Variants in ZNF525 observed in about 807,000 individuals in gnomAD.
ZNF525 encodes zinc finger protein 525.
ZNF525 carries 33 observed loss-of-function variants against 37.6 expected under a neutral mutation model. The ratio of observed to expected loss-of-function variants is 0.88; its 90% confidence interval spans 0.67 to 1.17. ZNF525 has a LOEUF of 1.17. ZNF525 is among the 50% of genes most tolerant of loss of function. The pLI is 0.00. For synonymous variants in ZNF525, 170 were observed against 182.3 expected (o/e 0.93, Z 0.54); for missense variants, 449 against 543.1 (o/e 0.83, Z 1.72).
chr19:53,374,092 A>G (rs778634685), intron 2 of ZNF525, among the ~76,000 whole-genome samples: 1 of 152,138 alleles, frequency 6.6e-6, no homozygotes, highest in Non-Finnish European at 1.5e-5. Flanking sequence ...CATGTTAGCC[A>G]GGCTGATCTT....
chr19:53,385,127 T>A lies in ZNF525; in HGVS notation c.*3108T>A. ...TTGCATCCCAGAAATAACTGGCACT[T>A]GAATATCTACATTTTTTTAATATCC... is the stretch of plus-strand genomic sequence containing the variant. On this transcript the variant is annotated 3_prime_UTR_variant, in exon 4 of 4. Coordinates refer to ENST00000474037, the MANE Select transcript of ZNF525 (RefSeq NM_001348156.2). The A allele has an allele frequency of 2.0e-6, 1 of 495,550 alleles. No individual in the cohort carries two copies. Among genetic ancestry groups the A allele is most frequent in the Non-Finnish European group, 3.6e-6 (1 of 279,872 alleles). 30.7% of individuals were successfully genotyped at this position (495,550 alleles called of 1,614,324 possible).
Position 53,381,007 on chromosome 19 carries a change from G to A in ZNF525, c.428G>A (p.Ser143Asn). 6.3e-7 allele frequency: 1 copy of A among 1,587,504 alleles called. No homozygotes were observed. Among genetic ancestry groups the A allele is most frequent in the South Asian group, 1.1e-5 (1 of 90,514 alleles). The change falls in exon 4 of 4, where the codon AGC becomes AAC. Residue 143 changes from serine (S) to asparagine (N), a missense_variant. By Grantham distance (46) the Ser-to-Asn change is conservative (BLOSUM62 1). This residue lies in a region of ZNF525 where 271 missense variants were observed against 381.6 expected (regional missense o/e 0.71). Transcript: ENST00000474037. ...CCTATTAAATATCAGCTTGGATCAA[G>A]CTTTCATTCACATCTGTCTGAACTC... ...NKPIKYQLGS[S>N]FHSHLSELHI...
chr19:53,380,241 C>G (rs1167490654), intron 3 of ZNF525, among the ~76,000 whole-genome samples: 4 of 151,852 alleles, frequency 2.6e-5, no homozygotes, highest in Non-Finnish European at 5.9e-5. Flanking sequence ...CAGACGTGCA[C>G]CACCATGCCT....
At position 53,384,854 on chromosome 19, in the gene ZNF525, C is replaced by T; in HGVS notation, c.*2835C>T. ...AGAAGGGGTGAGAGCATTCTTGCAT[C>T]ATGTGAGATCGTACAGGAAAGCATT... On this transcript the variant is annotated 3_prime_UTR_variant, in exon 4 of 4. Transcript: ENST00000474037. The T allele has an allele frequency of 1.5e-6, 1 of 662,454 alleles. No homozygotes were observed. Among genetic ancestry groups the T allele is most frequent in the Admixed American group, 2.3e-5 (1 of 44,280 alleles). 41.0% of individuals were successfully genotyped at this position (662,454 alleles called of 1,614,324 possible). A position where few individuals can be genotyped will look rare whatever the true frequency, so the allele number is the denominator to read the frequency against.
At position 53,381,211 on chromosome 19, in the gene ZNF525, G is replaced by C. The variant is rs2085559032; in HGVS notation, c.632G>C (p.Arg211Thr). 1 of 1,344,790 alleles carries C rather than the reference G, an allele frequency of 7.4e-7. No individual in the cohort carries two copies. The highest frequency in any genetic ancestry group is 1.1e-6 in the Non-Finnish European group (1 of 934,516). The allele number at this position is 1,344,790 out of a possible 1,614,324, so 83.3% of individuals were successfully genotyped here. Reference protein sequence around the residue: ...LLTQRQEVRMREKSFQCIESG... With the variant: ...LLTQRQEVRMTEKSFQCIESG... ...ACACAAAGACAGGAAGTACGCATGAGAGAAAAATCTTTCCAATGTATTGAG... is the reference window on the plus strand; with the variant it reads ...ACACAAAGACAGGAAGTACGCATGACAGAAAAATCTTTCCAATGTATTGAG... Residue 211 changes from arginine to threonine, a missense_variant, in exon 4 of 4, where the codon AGA becomes ACA. Coordinates refer to ENST00000474037, the MANE Select transcript of ZNF525 (RefSeq NM_001348156.2).
At chr19:53,376,576 TTTTG>T (rs1210921554) in intron 3 of ZNF525, 58 of 509,622 alleles carry the variant, frequency 1.1e-4, no homozygotes, top group Non-Finnish European at 1.4e-4. Flanking sequence ...TCTTCTTTAC[TTTTG>T]TTTGTTTGTT....
At chr19:53,376,233 C>G (rs895920461) in intron 3 of ZNF525, 7 of 707,300 alleles carry the variant, frequency 9.9e-6, no homozygotes, top group Non-Finnish European at 1.5e-5. Context: ...CGCCAACCCC[C>G]GTACCTAACT....
chr19:53,383,425 A>T lies in ZNF525; in HGVS notation c.*1406A>T. On this transcript the variant is annotated 3_prime_UTR_variant, in exon 4 of 4. Transcript: ENST00000474037. ...AAATGTGAAGAATGTGACAAAGTTT[A>T]CAGTCGCAAATCAAACCTCGAAAGA... The T allele has an allele frequency of 9.5e-7, 1 of 1,057,418 alleles. No homozygotes were observed. The highest frequency in any genetic ancestry group is 1.8e-5 in the Admixed American group (1 of 54,068). The allele number at this position is 1,057,418 out of a possible 1,614,324, so 65.5% of individuals were successfully genotyped here.
chr19:53,383,884 A>G lies in ZNF525; in HGVS notation c.*1865A>G, dbSNP rs1378482471. The G allele has an allele frequency of 9.8e-6, 6 of 610,008 alleles. No individual in the cohort carries two copies. Among genetic ancestry groups the G allele is most frequent in the East Asian group, 4.1e-5 (1 of 24,618 alleles). The allele number at this position is 610,008 out of a possible 1,614,324, so 37.8% of individuals were successfully genotyped here. ...TTTTGCAAAACAGGAGAATTCATACAGGAGAGAAACCTCACAAGTGTGATG... is the reference window on the plus strand; with the variant it reads ...TTTTGCAAAACAGGAGAATTCATACGGGAGAGAAACCTCACAAGTGTGATG... On this transcript the variant is annotated 3_prime_UTR_variant, in exon 4 of 4. Transcript: ENST00000474037.
rs2085592605 is a variant in ZNF525, at chr19:53,384,660, A to T, written c.*2641A>T. 1 of 267,994 alleles carries T rather than the reference A, an allele frequency of 3.7e-6. No homozygotes were observed. The highest frequency in any genetic ancestry group is 7.0e-6 in the Non-Finnish European group (1 of 142,494). 16.6% of individuals were successfully genotyped at this position (267,994 alleles called of 1,614,324 possible). ...ATACTGTATTGTGCAAATCCACTGA[A>T]TATGTTTGTTAGTTCCAGTACTATT... is the stretch of plus-strand genomic sequence containing the variant. On this transcript the variant is annotated 3_prime_UTR_variant, in exon 4 of 4. Transcript: ENST00000474037.
chr19:53,383,645 C>T lies in ZNF525; in HGVS notation c.*1626C>T. Reference sequence around the variant, plus strand: ...TCAGGCAATCCGTAGTGTAGGGAAACTTGACTAACGTAATGATTCTCACAA... The same window carrying T: ...TCAGGCAATCCGTAGTGTAGGGAAATTTGACTAACGTAATGATTCTCACAA... On this transcript the variant is annotated 3_prime_UTR_variant, in exon 4 of 4. Coordinates refer to ENST00000474037, the MANE Select transcript of ZNF525 (RefSeq NM_001348156.2). 1 of 1,039,668 alleles carries T rather than the reference C, an allele frequency of 9.6e-7. No individual in the cohort carries two copies. The highest frequency in any genetic ancestry group is 1.4e-6 in the Non-Finnish European group (1 of 720,324). 64.4% of individuals were successfully genotyped at this position (1,039,668 alleles called of 1,614,324 possible).
intron 1 of ZNF525, among the ~76,000 whole-genome samples, chr19:53,371,296 T>G (rs1220489656): frequency 6.7e-6 from 1 of 150,182 alleles, no homozygotes; most frequent in East Asian, 2.0e-4. Context: ...TCTCCTGGGC[T>G]CAAGCGATTC....
intron 2 of ZNF525, 78 bp from the exon 3 acceptor site, chr19:53,375,692 C>T (rs2085516495): frequency 1.2e-6 from 2 of 1,612,448 alleles, no homozygotes; most frequent in Admixed American, 1.7e-5. Flanking sequence ...CATGCTTTCC[C>T]CTCTCTCCTC....
rs1048104063 is a variant in ZNF525 at position 53,375,798 on chromosome 19, T to C, written c.44T>C (p.Ile15Thr). 1.2e-6 allele frequency: 2 copies of C among 1,613,916 alleles called. No homozygotes were observed. The highest frequency in any genetic ancestry group is 1.3e-5 in the African/African-American group (1 of 75,010). ...QGLLTFRDVA[I>T]EFSQEEWKCL... ...CTATTGACATTCAGGGATGTGGCCA[T>C]AGAATTCTCTCAGGAGGAGTGGAAA... The change falls in exon 3 of 4, where the codon ATA becomes ACA. Residue 15 changes from isoleucine to threonine, a missense_variant. Physicochemically the swap from Ile to Thr is moderately conservative, Grantham distance 89. Around this residue, in one of 2 missense-constraint regions of ZNF525, gnomAD observed 271 missense variants for 381.6 expected, o/e 0.71. Transcript: ENST00000474037.
rs2085575078 is a variant in ZNF525, at chr19:53,382,588, C to T, written c.*569C>T. 3.0e-6 allele frequency: 2 copies of T among 664,634 alleles called. No homozygotes were observed. The highest frequency in any genetic ancestry group is 2.6e-4 in the Middle Eastern group (1 of 3,820). The allele number at this position is 664,634 out of a possible 1,614,324, so 41.2% of individuals were successfully genotyped here. A position where few individuals can be genotyped will look rare whatever the true frequency, so the allele number is the denominator to read the frequency against. On this transcript the variant is annotated 3_prime_UTR_variant, in exon 4 of 4. Coordinates refer to ENST00000474037, the MANE Select transcript of ZNF525 (RefSeq NM_001348156.2). ...AGAAGTGCAATGAGTGTGGCAAAAC[C>T]TTTCATAGGCAGTCAGCGCTTATTT...
chr19:53,369,793 G>C (rs1237858630), intron 1 of ZNF525, among the ~76,000 whole-genome samples: 6 of 120,422 alleles, frequency 5.0e-5, no homozygotes, highest in Non-Finnish European at 9.9e-5. Flanking sequence ...GGCGCGATCT[G>C]GGCTCACTGC....
intron 3 of ZNF525, among the ~76,000 whole-genome samples, chr19:53,376,939 C>T (rs9749563): frequency 0.091 from 13,877 of 152,090 alleles, 917 homozygotes; most frequent in African/African-American, 0.18. Context: ...CATGCACTCC[C>T]GCCTGGGCAA....
Position 53,384,940 on chromosome 19 carries a change from G to C in ZNF525, c.*2921G>C. ...TTTCATGGATGTTCTTTCTATTGTT[G>C]AGGTAAATTTCCTTTTCTATTTTGT... On this transcript the variant is annotated 3_prime_UTR_variant, in exon 4 of 4. Transcript: ENST00000474037. The C allele has an allele frequency of 1.4e-6, 1 of 700,470 alleles. No homozygotes were observed. The allele number at this position is 700,470 out of a possible 1,614,324, so 43.4% of individuals were successfully genotyped here. A position where few individuals can be genotyped will look rare whatever the true frequency, so the allele number is the denominator to read the frequency against.
In ZNF525 at chr19:53,384,223, C is replaced by A. The variant is rs556422520; in HGVS notation, c.*2204C>A. The stretch of plus-strand genomic sequence containing the variant: ...ACTGGGCTGTGTGGCATGGCTCACG[C>A]CTGTAATCCCAGCACTTTGGTAGGC... On this transcript the variant is annotated 3_prime_UTR_variant, in exon 4 of 4. Coordinates refer to ENST00000474037, the MANE Select transcript of ZNF525 (RefSeq NM_001348156.2). 5.1e-5 allele frequency: 14 copies of A among 273,732 alleles called. No homozygotes were observed. The highest frequency in any genetic ancestry group is 4.8e-4 in the South Asian group (13 of 26,858). 17.0% of individuals were successfully genotyped at this position (273,732 alleles called of 1,614,324 possible).
Sources: gnomAD v4.1 joint callset for allele counts (sites outside exome capture counted in the v4.1 genomes callset) on GRCh38, gnomAD v4.1.1 for gene constraint, gnomAD v4.1.1 regional missense constraint, MANE v1.5 for transcripts, NCBI Gene and HGNC (gene_info 2026-07-23, HGNC 2026-07-21) for gene names.